The following EZR variants were observed in gnomAD, a reference collection of about 807,000 sequenced individuals.
The protein encoded by EZR is ezrin, also known as cytovillin 2.
Under a neutral mutation model 74.8 loss-of-function variants are expected in EZR, and 40 were observed. The ratio of observed to expected loss-of-function variants is 0.53; its 90% confidence interval spans 0.42 to 0.70. The LOEUF (loss-of-function observed/expected upper bound fraction) is 0.70, where lower values mean the gene tolerates loss of function less well. Among genes scored for constraint, EZR ranks in the 30% least tolerant of loss-of-function variants. EZR has a pLI of 0.00. For missense variants in EZR, 678 were observed against 755.8 expected (o/e 0.90, Z 1.21); for synonymous variants, 341 against 283.3 (o/e 1.20, Z -2.05).
chr6:158,767,295 G>A lies in EZR; in HGVS notation c.1562C>T (p.Ala521Val). ...DRNEEKRITE[A>V]EKNERVQRQL... ...CCGCTGCACACGCTCGTTCTTCTCT[G>A]CCTCAGTGATGCGCTTCTCCTCATT... The change falls in exon 13 of 14, where the codon GCA becomes GTA. Residue 521 changes from alanine (A) to valine (V), a missense_variant. This residue lies in a region of EZR where 342 missense variants were observed against 341.2 expected (regional missense o/e 1.00). Coordinates refer to ENST00000367075, the MANE Select transcript of EZR (RefSeq NM_001111077.2). The A allele has an allele frequency of 6.2e-7, 1 of 1,614,060 alleles. No homozygotes were observed. Among genetic ancestry groups the A allele is most frequent in the Non-Finnish European group, 8.5e-7 (1 of 1,179,940 alleles).
intron 2 of EZR, among the ~76,000 whole-genome samples, chr6:158,815,176 C>T (rs1218181815): frequency 6.6e-6 from 1 of 152,220 alleles, no homozygotes; most frequent in Non-Finnish European, 1.5e-5. Context: ...TTAAAGGACA[C>T]ATCCACAGAG....
intron 4 of EZR, among the ~76,000 whole-genome samples, chr6:158,786,657 CA>C (rs5881287): frequency 0.22 from 31,263 of 144,652 alleles, 4,513 homozygotes; most frequent in African/African-American, 0.43. Context: ...GTGGGGGTTT[CA>C]AAAAAAAAAA....
At chr6:158,815,311 G>A (rs3102966) in intron 2 of EZR, among the ~76,000 whole-genome samples, 8 of 151,918 alleles carry the variant, frequency 5.3e-5, no homozygotes, top group African/African-American at 1.7e-4. Context: ...TGCAACCTAC[G>A]ATGCTCTTCT....
At chr6:158,797,138 TCA>T in intron 2 of EZR, among the ~76,000 whole-genome samples, 1 of 152,270 alleles carries the variant, frequency 6.6e-6, no homozygotes, top group Admixed American at 6.5e-5. Flanking sequence ...ACCTCTACAA[TCA>T]CACTTTTTAC....
chr6:158,770,673 C>T (rs2128565889), intron 10 of EZR, 91 bp downstream of exon 10: 1 of 1,494,970 alleles, frequency 6.7e-7, no homozygotes, highest in Non-Finnish European at 9.2e-7. Flanking sequence ...TTCTTGGTTT[C>T]CTTCCTGGTG....
Position 158,807,253 on chromosome 6 carries a change from T to C in EZR, c.12+10829A>G, listed in dbSNP as rs536005533. ...TGGCGTGAACCCGGGAGGTGGAGCT[T>C]GCGGTGAGTCCAGATCACACCACTG... On this transcript the variant is annotated intron_variant, in intron 2 of 13. Transcript: ENST00000367075. Among the ~76,000 whole-genome samples, 40 of 150,074 alleles carry C rather than the reference T, an allele frequency of 2.7e-4. 1 individual carries two copies. The highest frequency in any genetic ancestry group is 1.5e-5 in the Non-Finnish European group (1 of 67,738).
chr6:158,815,440 C>CAACAGCCTTTT (rs1427472141), intron 2 of EZR, among the ~76,000 whole-genome samples: 9 of 152,180 alleles, frequency 5.9e-5, no homozygotes, highest in Non-Finnish European at 1.2e-4. Context: ...CCATGGCAGA[C>CAACAGCCTTTT]AGGTATGGCT....
At chr6:158,803,530 TATATA>T (rs1777236504) in intron 2 of EZR, among the ~76,000 whole-genome samples, 1 of 68,194 alleles carries the variant, frequency 1.5e-5, no homozygotes, top group Non-Finnish European at 2.4e-5. Context: ...TGTAACATTA[TATATA>T]TATATATATG....
chr6:158,801,166 G>A (rs983944532), intron 2 of EZR, among the ~76,000 whole-genome samples: 3 of 152,164 alleles, frequency 2.0e-5, no homozygotes, highest in Admixed American at 6.5e-5. Flanking sequence ...CAAGGCTGGA[G>A]TGCAGTGGCA....
At chr6:158,769,665 C>A (rs2128564554) in intron 11 of EZR, 119 bp downstream of exon 11, 1 of 1,424,122 alleles carries the variant, frequency 7.0e-7, no homozygotes, top group Admixed American at 1.7e-5. Context: ...CTTCAGCCCC[C>A]CAGCAGATCA....
At chr6:158,775,268 G>C (rs186969281) in intron 8 of EZR, among the ~76,000 whole-genome samples, 2 of 152,052 alleles carry the variant, frequency 1.3e-5, no homozygotes, top group Non-Finnish European at 2.9e-5. Flanking sequence ...TCCTGACCTC[G>C]TGATTCGGCC....
intron 2 of EZR, chr6:158,817,875 G>T: frequency 2.2e-6 from 1 of 451,934 alleles, no homozygotes; most frequent in Non-Finnish European, 4.0e-6. Flanking sequence ...AGACTGCAGA[G>T]AAAAGCATCA....
chr6:158,767,625 G>T lies in EZR; in HGVS notation c.1345-113C>A, dbSNP rs1234726604. 5 of 1,153,008 alleles carry T rather than the reference G, an allele frequency of 4.3e-6. No individual in the cohort carries two copies. The East Asian group carries it at 7.4e-5, about 17-fold the overall frequency. 71.4% of individuals were successfully genotyped at this position (1,153,008 alleles called of 1,614,324 possible). On this transcript the variant is annotated intron_variant, in intron 12 of 13. Coordinates refer to ENST00000367075, the MANE Select transcript of EZR (RefSeq NM_001111077.2). ...TGGCAGGCTAAGGCAGCACTGAACT[G>T]TGCTGGGCTGTGGCTTCGAAGAGGA...
chr6:158,776,344 C>T (rs374480996), intron 8 of EZR, 64 bp downstream of exon 8: 14 of 1,313,630 alleles, frequency 1.1e-5, no homozygotes, highest in South Asian at 4.7e-5. Flanking sequence ...ATAACTTGTC[C>T]GTTACCCTGA....
At chr6:158,780,459 G>A (rs1208873021) in intron 7 of EZR, among the ~76,000 whole-genome samples, 1 of 152,298 alleles carries the variant, frequency 6.6e-6, no homozygotes, top group South Asian at 2.1e-4. Context: ...GCCAGAGGGT[G>A]ACAGTGGAGT....
chr6:158,773,634 T>C (rs1231851482), intron 8 of EZR, among the ~76,000 whole-genome samples: 1 of 152,172 alleles, frequency 6.6e-6, no homozygotes, highest in Non-Finnish European at 1.5e-5. Flanking sequence ...GTCCCCAGGA[T>C]GCCAGGAAAC....
Position 158,766,902 on chromosome 6 carries a change from C to A in EZR, c.*12G>T. The A allele has an allele frequency of 6.2e-7, 1 of 1,613,444 alleles. No homozygotes were observed. Among genetic ancestry groups the A allele is most frequent in the Non-Finnish European group, 8.5e-7 (1 of 1,179,620 alleles). The stretch of plus-strand genomic sequence containing the variant: ...TATGAGCACCCCTCTGCCCTTGGTC[C>A]TGGCCTGGCTGTTACAGGGCCTCGA... On this transcript the variant is annotated 3_prime_UTR_variant, in exon 14 of 14. Coordinates refer to ENST00000367075, the MANE Select transcript of EZR (RefSeq NM_001111077.2).
intron 2 of EZR, among the ~76,000 whole-genome samples, chr6:158,807,628 G>C (rs1413388407): frequency 6.6e-6 from 1 of 152,130 alleles, no homozygotes; most frequent in African/African-American, 2.4e-5. Context: ...CTGCCCAGTG[G>C]TTTTAACGCT....
At chr6:158,767,553 G>A (rs1214561347) in intron 12 of EZR, 41 bp from the exon 13 acceptor site, 12 of 1,537,806 alleles carry the variant, frequency 7.8e-6, no homozygotes, top group Admixed American at 2.0e-5. Flanking sequence ...TCACCCAGAA[G>A]TCCTATCCTC....
Sources: gnomAD v4.1 joint callset for allele counts (sites outside exome capture counted in the v4.1 genomes callset) on GRCh38, gnomAD v4.1.1 for gene constraint, gnomAD v4.1.1 regional missense constraint, MANE v1.5 for transcripts, NCBI Gene and HGNC (gene_info 2026-07-23, HGNC 2026-07-21) for gene names.